RAB28: variants seen among roughly 807,000 people sequenced by gnomAD.
RAB28 encodes ras-related protein Rab-28.
RAB28 carries 24 observed loss-of-function variants against 31.7 expected under a neutral mutation model. The observed-to-expected ratio is 0.76, with a 90% CI of 0.55 to 1.06. RAB28 has a LOEUF of 1.06. Among genes scored for constraint, RAB28 ranks in the 50% least tolerant of loss-of-function variants. The pLI, the probability that RAB28 is intolerant of heterozygous loss-of-function variation, is 0.00. For synonymous variants in RAB28, 100 were observed against 90.4 expected (o/e 1.11, Z -0.60); for missense variants, 254 against 258.5 (o/e 0.98, Z 0.12).
At chr4:13,462,797 AAC>A (rs1167725216) in intron 3 of RAB28, among the ~76,000 whole-genome samples, 1 of 152,208 alleles carries the variant, frequency 6.6e-6, no homozygotes, top group East Asian at 1.9e-4. Flanking sequence ...AATAATGCCC[AAC>A]ACAGAATTAT....
At chr4:13,444,320 C>T (rs1191090624) in intron 4 of RAB28, among the ~76,000 whole-genome samples, 1 of 152,136 alleles carries the variant, frequency 6.6e-6, no homozygotes, top group Non-Finnish European at 1.5e-5. Context: ...AGCCACCACG[C>T]CCAGCCGCGA....
chr4:13,372,505 A>G (rs1728756119), intron 6 of RAB28, among the ~76,000 whole-genome samples: 1 of 152,120 alleles, frequency 6.6e-6, no homozygotes, highest in Admixed American at 6.6e-5. Context: ...TTGAAATTTT[A>G]TTTAAAAAAT....
intron 3 of RAB28, among the ~76,000 whole-genome samples, chr4:13,467,682 ATACTC>A (rs1715926361): frequency 6.6e-6 from 1 of 152,016 alleles, no homozygotes; most frequent in Non-Finnish European, 1.5e-5. Flanking sequence ...AGGAGAGAAA[ATACTC>A]AAATAAAACC....
intron 4 of RAB28, among the ~76,000 whole-genome samples, chr4:13,417,194 T>G (rs1462207237): frequency 6.6e-6 from 1 of 152,188 alleles, no homozygotes; most frequent in African/African-American, 2.4e-5. Flanking sequence ...AGGGGCATCC[T>G]CCATTGCTGA....
rs558750256 is a variant in RAB28 at position 13,386,802 on chromosome 4, T to A, written c.392-5208A>T. On this transcript the variant is annotated intron_variant, in intron 4 of 6. Transcript: ENST00000330852. ...TCTTAAAAACACTTGCAAGTGTATGTCCCTTGCAGCACTATTCAAAATAGC... is the reference window on the plus strand; with the variant it reads ...TCTTAAAAACACTTGCAAGTGTATGACCCTTGCAGCACTATTCAAAATAGC... Among the ~76,000 whole-genome samples the A allele has an allele frequency of 1.2e-4, 18 of 152,278 alleles. No homozygotes were observed. In the East Asian group the frequency reaches 3.3e-3, roughly 28 times the overall value.
chr4:13,420,347 A>T (rs886448226), intron 4 of RAB28, among the ~76,000 whole-genome samples: 10 of 152,232 alleles, frequency 6.6e-5, no homozygotes, highest in Admixed American at 6.5e-4. Context: ...AGCTGATACC[A>T]ATCCTTCTGA....
At position 13,458,684 on chromosome 4, in the gene RAB28, A is replaced by G. The variant is rs922482025; in HGVS notation, c.391+2015T>C. ...ATGATGGTGGTCCCATAAGATTATA[A>G]TGGAGCTTTTATACCGTATTTTTAC... On this transcript the variant is annotated intron_variant, in intron 4 of 6. Coordinates refer to ENST00000330852, the MANE Select transcript of RAB28 (RefSeq NM_001017979.3). Among the ~76,000 whole-genome samples the G allele has an allele frequency of 3.9e-5, 6 of 152,226 alleles. No homozygotes were observed. In the East Asian group the frequency reaches 1.2e-3, roughly 29 times the overall value.
chr4:13,471,561 G>A (rs1031482068), intron 3 of RAB28, among the ~76,000 whole-genome samples: 1 of 151,778 alleles, frequency 6.6e-6, no homozygotes, highest in African/African-American at 2.4e-5. Context: ...GAGTAAAGTG[G>A]CATGATCATA....
intron 1 of RAB28, among the ~76,000 whole-genome samples, chr4:13,481,403 A>G (rs1390886242): frequency 2.0e-5 from 3 of 152,074 alleles, no homozygotes; most frequent in African/African-American, 7.2e-5. Context: ...TCTAGACTGC[A>G]TGCTATCTTT....
intron 4 of RAB28, among the ~76,000 whole-genome samples, chr4:13,410,881 C>G (rs1306476283): frequency 6.6e-6 from 1 of 151,910 alleles, no homozygotes; most frequent in African/African-American, 2.4e-5. Flanking sequence ...TCTGTGGCAG[C>G]TCAAATGCCT....
chr4:13,460,435 G>A lies in RAB28; in HGVS notation c.391+264C>T, dbSNP rs1265001910. Among the ~76,000 whole-genome samples the A allele has an allele frequency of 3.9e-5, 6 of 152,124 alleles. No individual in the cohort carries two copies. In the East Asian group the frequency reaches 7.7e-4, roughly 20 times the overall value. On this transcript the variant is annotated intron_variant, in intron 4 of 6. Coordinates refer to ENST00000330852, the MANE Select transcript of RAB28 (RefSeq NM_001017979.3). ...CTCACTATGTTGGCCAGGTTTGTCC[G>A]AAACTCCTGGCCTCAAGCAATCCCC...
chr4:13,379,499 G>A (rs1729049008), intron 5 of RAB28, among the ~76,000 whole-genome samples: 1 of 152,106 alleles, frequency 6.6e-6, no homozygotes, highest in Non-Finnish European at 1.5e-5. Context: ...ATTTGGACTG[G>A]CCATGAGATT....
chr4:13,466,360 A>C (rs959977828), intron 3 of RAB28, among the ~76,000 whole-genome samples: 1 of 151,938 alleles, frequency 6.6e-6, no homozygotes, highest in African/African-American at 2.4e-5. Flanking sequence ...AACAACTCCA[A>C]AGCAAAACAA....
chr4:13,394,437 A>C (rs1219535840), intron 4 of RAB28, among the ~76,000 whole-genome samples: 1 of 152,126 alleles, frequency 6.6e-6, no homozygotes, highest in Non-Finnish European at 1.5e-5. Context: ...ATCTGACAGG[A>C]GGTGGAGCTC....
At chr4:13,387,288 T>G (rs1458366399) in intron 4 of RAB28, among the ~76,000 whole-genome samples, 1 of 152,024 alleles carries the variant, frequency 6.6e-6, no homozygotes, top group Non-Finnish European at 1.5e-5. Flanking sequence ...AGCAAGACAA[T>G]GGAAATCTAA....
chr4:13,460,856 G>C (rs1199651053), intron 3 of RAB28, 28 bp from the exon 4 acceptor site: 1 of 1,597,100 alleles, frequency 6.3e-7, no homozygotes, highest in South Asian at 1.1e-5. Flanking sequence ...CAAAATATCT[G>C]TAATGTATTA....
At chr4:13,392,230 GTATAT>G (rs1729670271) in intron 4 of RAB28, among the ~76,000 whole-genome samples, 1 of 152,158 alleles carries the variant, frequency 6.6e-6, no homozygotes, top group African/African-American at 2.4e-5. Context: ...AAAGTGGCCT[GTATAT>G]TAGGATATAG....
chr4:13,460,677 T>A, intron 4 of RAB28, 22 bp downstream of exon 4: 1 of 1,613,624 alleles, frequency 6.2e-7, no homozygotes, highest in Middle Eastern at 1.7e-4. Context: ...GTACCATACA[T>A]AAACAAGCAG....
intron 4 of RAB28, among the ~76,000 whole-genome samples, chr4:13,384,095 C>T (rs1729256149): frequency 3.9e-5 from 6 of 152,210 alleles, no homozygotes; most frequent in Admixed American, 3.9e-4. Context: ...CCTCCAGAGC[C>T]TCACCCCTGC....
Sources: gnomAD v4.1 joint callset for allele counts (sites outside exome capture counted in the v4.1 genomes callset) on GRCh38, gnomAD v4.1.1 for gene constraint, MANE v1.5 for transcripts, NCBI Gene and HGNC (gene_info 2026-07-23, HGNC 2026-07-21) for gene names.